Variants in DIP2A observed in about 807,000 individuals in gnomAD.
The protein encoded by DIP2A is disco-interacting protein 2 homolog A.
DIP2A carries 85 observed loss-of-function variants against 177.4 expected under a neutral mutation model. That is an observed-to-expected ratio of 0.48 (90% CI 0.40 to 0.57). The LOEUF (loss-of-function observed/expected upper bound fraction) is 0.57. Among genes scored for constraint, DIP2A ranks in the 20% least tolerant of loss-of-function variants. The probability of loss-of-function intolerance (pLI) is 0.00; values close to 1 mark genes in which losing one functional copy is unlikely to be tolerated. For synonymous variants in DIP2A, 886 were observed against 881.8 expected, an observed-to-expected ratio of 1.00 and a Z score of -0.08; for missense variants, 1,791 against 2,100.2, an observed-to-expected ratio of 0.85 and a Z score of 2.88.
At chr21:46,514,251 G>A (rs966279990) in intron 8 of DIP2A, among the ~76,000 whole-genome samples, 5 of 151,990 alleles carry the variant, frequency 3.3e-5, no homozygotes, top group Admixed American at 1.3e-4. Flanking sequence ...TGGCTAACGC[G>A]GTGAAACCCC....
intron 8 of DIP2A, among the ~76,000 whole-genome samples, chr21:46,528,481 T>C (rs1200234580): frequency 7.4e-6 from 1 of 135,088 alleles, no homozygotes; most frequent in Non-Finnish European, 1.5e-5. Context: ...TATGCACACA[T>C]ATGTACATAT....
In DIP2A at chr21:46,475,067, C is replaced by CA. The variant is rs1246245538; in HGVS notation, c.92-9689dup. ...TCAGCAGCCCTATGTCTGCCTCAAC[C>CA]AGAGACTCTTCTCCACTTAACACTC... On this transcript the variant is annotated intron_variant, in intron 1 of 37. Coordinates refer to ENST00000417564, the MANE Select transcript of DIP2A (RefSeq NM_015151.4). Among the ~76,000 whole-genome samples the CA allele has an allele frequency of 1.7e-4, 13 of 75,764 alleles. No individual in the cohort carries two copies. The Admixed American group carries it at 2.2e-3, about 13-fold the overall frequency. The allele number at this position is 75,764 out of a possible 152,430, so 49.7% of individuals were successfully genotyped here.
At chr21:46,543,213 G>A (rs764293306) in intron 18 of DIP2A, among the ~76,000 whole-genome samples, 1 of 152,176 alleles carries the variant, frequency 6.6e-6, no homozygotes, top group Non-Finnish European at 1.5e-5. Context: ...TGAACCTGTC[G>A]TAAAACATTT....
chr21:46,547,909 A>G (rs1007463881), intron 21 of DIP2A, among the ~76,000 whole-genome samples: 2 of 151,958 alleles, frequency 1.3e-5, no homozygotes, highest in Non-Finnish European at 2.9e-5. Context: ...GGCTCAAGCA[A>G]TCCTCCCTCC....
At chr21:46,550,500 C>G in intron 22 of DIP2A, 43 bp from the exon 23 acceptor site, 1 of 1,576,534 alleles carries the variant, frequency 6.3e-7, no homozygotes. Flanking sequence ...TCTCCCCAGC[C>G]TCAAGTTGGG....
chr21:46,493,503 TA>T (rs2057138892), intron 3 of DIP2A, among the ~76,000 whole-genome samples: 1 of 152,186 alleles, frequency 6.6e-6, no homozygotes, highest in African/African-American at 2.4e-5. Context: ...ATAATATTTT[TA>T]TTAAATATTC....
intron 1 of DIP2A, among the ~76,000 whole-genome samples, chr21:46,473,149 AAGG>A (rs1347233272): frequency 7.9e-5 from 12 of 152,172 alleles, no homozygotes; most frequent in Admixed American, 7.9e-4. Flanking sequence ...GCTCTCGACA[AAGG>A]AGAGAAAATG....
intron 8 of DIP2A, among the ~76,000 whole-genome samples, chr21:46,517,822 G>A (rs756649690): frequency 6.6e-6 from 1 of 152,216 alleles, no homozygotes; most frequent in East Asian, 1.9e-4. Flanking sequence ...TCAGCCCCCC[G>A]TGGGGGCTGG....
rs373891540 is a variant in DIP2A at position 46,545,239 on chromosome 21, A to G, written c.2279A>G (p.Tyr760Cys). The G allele has an allele frequency of 3.3e-5, 53 of 1,604,490 alleles. No homozygotes were observed. The highest frequency in any genetic ancestry group is 4.5e-5 in the East Asian group (2 of 44,604). ...VSSSATGTAY[Y>C]GLLGITKNVF... Reference sequence around the variant, plus strand: ...TCCAGTGCAACTGGCACAGCGTACTATGGATTGCTTGGAATCACGAAGAAT... The same window carrying G: ...TCCAGTGCAACTGGCACAGCGTACTGTGGATTGCTTGGAATCACGAAGAAT... Residue 760 changes from tyrosine (Y) to cysteine (C), a missense_variant, in exon 19 of 38, where the codon TAT (tyrosine) becomes TGT (cysteine). Physicochemically the swap from Tyr to Cys is radical, Grantham distance 194 (BLOSUM62 -2). Transcript: ENST00000417564.
chr21:46,544,051 A>G (rs2148829371), intron 18 of DIP2A, among the ~76,000 whole-genome samples: 1 of 152,346 alleles, frequency 6.6e-6, no homozygotes, highest in East Asian at 1.9e-4. Context: ...ATTGCTAAGT[A>G]ACCAAGTTTC....
intron 27 of DIP2A, 55 bp downstream of exon 27, chr21:46,554,751 C>T: frequency 1.9e-6 from 3 of 1,545,628 alleles, no homozygotes; most frequent in Non-Finnish European, 2.6e-6. Context: ...TGCAAGGCTG[C>T]CCTCCGCTGC....
Position 46,533,509 on chromosome 21 carries a change from C to T in DIP2A, c.1306-15C>T, listed in dbSNP as rs746378748. 8.1e-6 allele frequency: 13 copies of T among 1,611,542 alleles called. No individual in the cohort carries two copies. Among genetic ancestry groups the T allele is most frequent in the African/African-American group, 1.3e-5 (1 of 75,012 alleles). ...GTGAGCACCCCACCCCACACGGTCACTCTGCTTTCTGCAGGATGCAGGCAG... is the reference window on the plus strand; with the variant it reads ...GTGAGCACCCCACCCCACACGGTCATTCTGCTTTCTGCAGGATGCAGGCAG... On this transcript the variant is annotated splice_polypyrimidine_tract_variant and intron_variant, in intron 10 of 37. Coordinates refer to ENST00000417564, the MANE Select transcript of DIP2A (RefSeq NM_015151.4).
At position 46,463,921 on chromosome 21, in the gene DIP2A, G is replaced by A. The variant is rs1400595069; in HGVS notation, c.91+4699G>A. Among the ~76,000 whole-genome samples the A allele has an allele frequency of 5.3e-5, 8 of 151,596 alleles. No homozygotes were observed. In the South Asian group the frequency reaches 1.7e-3, roughly 32 times the overall value. On this transcript the variant is annotated intron_variant, in intron 1 of 37. Transcript: ENST00000417564. ...GACAGGATTTCACCATATTGGCCAG[G>A]CTGGTCTTGAACTCCTGACCTCGTG...
chr21:46,493,597 G>A (rs779520544), intron 3 of DIP2A, among the ~76,000 whole-genome samples: 1 of 151,964 alleles, frequency 6.6e-6, no homozygotes, highest in South Asian at 2.1e-4. Flanking sequence ...TTTGTGCCTG[G>A]TGTTACTACT....
chr21:46,468,427 AAG>A (rs999275919), intron 1 of DIP2A, among the ~76,000 whole-genome samples: 1 of 149,988 alleles, frequency 6.7e-6, no homozygotes, highest in Non-Finnish European at 1.5e-5. Context: ...AAAAAAAAAA[AAG>A]AGAGAAAATC....
chr21:46,566,671 G>T lies in DIP2A; in HGVS notation c.4451G>T (p.Ser1484Ile), dbSNP rs1338556147. 1 of 1,614,192 alleles carries T rather than the reference G, an allele frequency of 6.2e-7. No homozygotes were observed. The highest frequency in any genetic ancestry group is 1.1e-5 in the South Asian group (1 of 91,086). Residue 1484 changes from serine to isoleucine, a missense_variant, in exon 37 of 38, where the codon AGC (serine) becomes ATC (isoleucine). Transcript: ENST00000417564. ...IETSVIRAHR[S>I]IAECAVFTWT... The stretch of plus-strand genomic sequence containing the variant: ...ACCTCTGTCATCCGAGCACACAGGA[G>T]CATCGCTGAGTGGTAAGAGCCCAGG...
At chr21:46,561,258 C>T in intron 33 of DIP2A, 1 of 267,204 alleles carries the variant, frequency 3.7e-6, no homozygotes, top group East Asian at 1.1e-4. Context: ...CATCTACTGG[C>T]AAGAACGTTT....
At chr21:46,564,171 G>C (rs2060762087) in intron 35 of DIP2A, among the ~76,000 whole-genome samples, 1 of 152,248 alleles carries the variant, frequency 6.6e-6, no homozygotes, top group South Asian at 2.1e-4. Context: ...CCCTAGGTTT[G>C]AGGGCACTGA....
intron 7 of DIP2A, among the ~76,000 whole-genome samples, chr21:46,510,447 T>G (rs923398344): frequency 2.6e-5 from 4 of 152,130 alleles, no homozygotes; most frequent in African/African-American, 9.7e-5. Flanking sequence ...GACATCAATA[T>G]TAGCCATCAC....
Sources: allele counts gnomAD v4.1 joint callset (sites outside exome capture counted in the v4.1 genomes callset), GRCh38; gene constraint gnomAD v4.1.1; transcripts MANE v1.5; gene names NCBI Gene and HGNC (gene_info 2026-07-23, HGNC 2026-07-21).